Variants in MPPED2 observed in about 807,000 individuals in gnomAD.
The protein encoded by MPPED2 is metallophosphoesterase domain containing 2.
A neutral mutation model predicts 33.0 loss-of-function variants in MPPED2; 5 were observed. That is an observed-to-expected ratio of 0.15 (90% CI 0.08 to 0.32). MPPED2 has a LOEUF of 0.32. MPPED2 is among the 10% of genes least tolerant of loss of function. MPPED2 has a pLI of 1.00. For missense variants in MPPED2, 275 were observed against 372.1 expected, an observed-to-expected ratio of 0.74 and a Z score of 2.15; for synonymous variants, 136 against 141.9, an observed-to-expected ratio of 0.96 and a Z score of 0.29.
intron 4 of MPPED2, among the ~76,000 whole-genome samples, chr11:30,433,707 C>T (rs901692982): frequency 6.6e-6 from 1 of 152,156 alleles, no homozygotes; most frequent in African/African-American, 2.4e-5. Flanking sequence ...GGGAAATTTT[C>T]AAAGGGATAA....
chr11:30,389,465 C>T (rs1040020316), intron 6 of MPPED2, among the ~76,000 whole-genome samples: 9 of 152,192 alleles, frequency 5.9e-5, no homozygotes, highest in Admixed American at 3.9e-4. Flanking sequence ...TGCTAAGCTG[C>T]TATGCCAGCT....
chr11:30,444,330 G>C (rs1949708428), intron 4 of MPPED2, among the ~76,000 whole-genome samples: 1 of 152,130 alleles, frequency 6.6e-6, no homozygotes, highest in African/African-American at 2.4e-5. Flanking sequence ...TGTTTTGCTT[G>C]TCTCACAAAA....
intron 2 of MPPED2, among the ~76,000 whole-genome samples, chr11:30,562,343 A>T (rs1956271712): frequency 6.6e-6 from 1 of 152,202 alleles, no homozygotes; most frequent in South Asian, 2.1e-4. Flanking sequence ...TAGAAACAGG[A>T]GGACATATTC....
At chr11:30,558,536 C>T (rs1956092226) in intron 2 of MPPED2, among the ~76,000 whole-genome samples, 1 of 151,904 alleles carries the variant, frequency 6.6e-6, no homozygotes, top group African/African-American at 2.4e-5. Context: ...CCACCTCAGC[C>T]TCTCAAGTAG....
intron 4 of MPPED2, among the ~76,000 whole-genome samples, chr11:30,456,682 G>A (rs1329712252): frequency 6.6e-6 from 1 of 152,082 alleles, no homozygotes; most frequent in Admixed American, 6.5e-5. Context: ...AATAGAAAGA[G>A]GACTAAAAAG....
chr11:30,413,830 G>A (rs1948221113), intron 6 of MPPED2, among the ~76,000 whole-genome samples: 1 of 152,284 alleles, frequency 6.6e-6, no homozygotes, highest in South Asian at 2.1e-4. Context: ...GGTAGGAGGG[G>A]ACTATAGAGG....
intron 3 of MPPED2, among the ~76,000 whole-genome samples, chr11:30,499,793 C>G (rs1464201522): frequency 6.6e-6 from 1 of 152,170 alleles, no homozygotes; most frequent in Non-Finnish European, 1.5e-5. Flanking sequence ...GCTGGTGGGA[C>G]CAATTCAGCC....
intron 2 of MPPED2, among the ~76,000 whole-genome samples, chr11:30,551,528 G>T (rs2134630698): frequency 6.6e-6 from 1 of 152,242 alleles, no homozygotes; most frequent in Non-Finnish European, 1.5e-5. Context: ...ATAAATTTAT[G>T]AATTCTAGTT....
intron 3 of MPPED2, among the ~76,000 whole-genome samples, chr11:30,500,849 T>C (rs2134241389): frequency 6.6e-6 from 1 of 152,300 alleles, no homozygotes; most frequent in Non-Finnish European, 1.5e-5. Flanking sequence ...AAGGAACGAA[T>C]GAACCTCCAC....
intron 4 of MPPED2, among the ~76,000 whole-genome samples, chr11:30,438,959 A>G (rs750754282): frequency 6.6e-6 from 1 of 152,234 alleles, no homozygotes. Flanking sequence ...TCAGAGAAGG[A>G]ACATGCTAAA....
intron 4 of MPPED2, chr11:30,468,822 G>C (rs1265317388): frequency 6.6e-6 from 1 of 152,168 alleles, no homozygotes; most frequent in Non-Finnish European, 1.5e-5. Flanking sequence ...TTTATGCTCT[G>C]ATCCCCCAGA....
At chr11:30,497,892 A>G (rs1952354717) in intron 3 of MPPED2, among the ~76,000 whole-genome samples, 1 of 152,152 alleles carries the variant, frequency 6.6e-6, no homozygotes, top group Non-Finnish European at 1.5e-5. Context: ...TTTTCCGAGA[A>G]TCCAGTAGTA....
At chr11:30,519,039 G>A (rs1368778255) in intron 3 of MPPED2, among the ~76,000 whole-genome samples, 1 of 152,108 alleles carries the variant, frequency 6.6e-6, no homozygotes, top group Non-Finnish European at 1.5e-5. Context: ...CTAGCACTTT[G>A]AAAGGCCGGG....
intron 2 of MPPED2, among the ~76,000 whole-genome samples, chr11:30,555,948 C>T (rs1291724640): frequency 6.6e-6 from 1 of 152,188 alleles, no homozygotes; most frequent in Non-Finnish European, 1.5e-5. Context: ...CTTTCTTCCA[C>T]AGGCCAAAGA....
At chr11:30,408,235 G>C (rs377463102), downstream of MPPED2, among the ~76,000 whole-genome samples, 1 of 152,214 alleles carries the variant, frequency 6.6e-6, no homozygotes, top group South Asian at 2.1e-4. Context: ...TGCCATGTAC[G>C]GCTGTCAAAG....
At chr11:30,538,298 G>A (rs1954921810) in intron 2 of MPPED2, among the ~76,000 whole-genome samples, 1 of 152,110 alleles carries the variant, frequency 6.6e-6, no homozygotes, top group South Asian at 2.1e-4. Context: ...CCCAGCTACT[G>A]CATCAAAATC....
At chr11:30,495,951 GT>G (rs1388154210) in intron 3 of MPPED2, among the ~76,000 whole-genome samples, 6 of 152,074 alleles carry the variant, frequency 3.9e-5, no homozygotes, top group Non-Finnish European at 8.8e-5. Flanking sequence ...TAGATTTTTA[GT>G]ATATGCTTCA....
chr11:30,404,774 A>G (rs1421083462), intron 6 of MPPED2, among the ~76,000 whole-genome samples: 1 of 152,238 alleles, frequency 6.6e-6, no homozygotes, highest in East Asian at 1.9e-4. Context: ...TGGGTCTTAC[A>G]AATGAAGCTT....
At chr11:30,583,624 G>A (rs114600323) in intron 1 of MPPED2, among the ~76,000 whole-genome samples, 2,022 of 152,188 alleles carry the variant, frequency 0.013, 51 homozygotes, top group African/African-American at 0.046. Flanking sequence ...TTCTTTTCCA[G>A]GAATCTAGTT....
Sources: gnomAD v4.1 joint callset for allele counts (sites outside exome capture counted in the v4.1 genomes callset) on GRCh38, gnomAD v4.1.1 for gene constraint, MANE v1.5 for transcripts, NCBI Gene and HGNC (gene_info 2026-07-23, HGNC 2026-07-21) for gene names.